Variants in SEL1L3 observed in about 807,000 individuals in gnomAD.
SEL1L3 encodes the protein SEL1L family member 3.
In SEL1L3, 76 loss-of-function variants were observed where a neutral mutation model predicts 142.8. The ratio of observed to expected loss-of-function variants is 0.53; its 90% CI spans 0.44 to 0.64. SEL1L3 has a LOEUF of 0.64. Among genes scored for constraint, SEL1L3 ranks in the 30% least tolerant of loss-of-function variants. The pLI is 0.00. For synonymous variants in SEL1L3, 504 were observed against 519.6 expected (o/e 0.97, Z 0.41); for missense variants, 1,262 against 1,381.7 (o/e 0.91, Z 1.37).
intron 10 of SEL1L3, 136 bp from the exon 11 acceptor site, chr4:25,802,598 T>C (rs1713259946): frequency 1.3e-6 from 1 of 752,106 alleles, no homozygotes; most frequent in Non-Finnish European, 2.1e-6. Flanking sequence ...GCCTTTTTTT[T>C]TGAGACGGAG....
chr4:25,840,422 G>A lies in SEL1L3; in HGVS notation c.734-5099C>T, dbSNP rs1008644244. On this transcript the variant is annotated intron_variant, in intron 2 of 23. Coordinates refer to ENST00000399878, the MANE Select transcript of SEL1L3 (RefSeq NM_015187.5). ...TTTTCACAAAGACAAGTCAAGGCTG[G>A]TTCCAACACTTGACTTAACTTTCAA... Among the ~76,000 whole-genome samples the A allele has an allele frequency of 2.6e-5, 4 of 152,222 alleles. No individual in the cohort carries two copies. The South Asian group carries it at 8.3e-4, about 32-fold the overall frequency.
At chr4:25,860,250 A>G (rs1279266713) in intron 1 of SEL1L3, among the ~76,000 whole-genome samples, 1 of 152,210 alleles carries the variant, frequency 6.6e-6, no homozygotes, top group Non-Finnish European at 1.5e-5. Context: ...AGGCTTTCAA[A>G]TTATGAAAGA....
At position 25,833,537 on chromosome 4, in the gene SEL1L3, T is replaced by C. The variant is rs1452558614; in HGVS notation, c.893A>G (p.His298Arg). Residue 298 changes from histidine to arginine, a missense_variant, in exon 4 of 24, where the codon CAT becomes CGT. Physicochemically the swap from His to Arg is conservative, Grantham distance 29. This residue lies in a region of SEL1L3 where 689 missense variants were observed against 692.8 expected (regional missense o/e 0.99). Transcript: ENST00000399878. ...CCCACAGAGGTTGGCCTTGCAATAA[T>C]GGAGTAAATAAAGCCACAATGAAAC... ...FTVSLWLYLL[H>R]YCKANLCGIL... 3.7e-6 allele frequency: 6 copies of C among 1,612,760 alleles called. No homozygotes were observed. Among genetic ancestry groups the C allele is most frequent in the Non-Finnish European group, 3.4e-6 (4 of 1,179,342 alleles).
Position 25,847,544 on chromosome 4 carries a change from G to A in SEL1L3, c.483C>T (p.Phe161=). Residue 161 remains phenylalanine, a synonymous_variant, in exon 2 of 24, where the codon TTC becomes TTT. Coordinates refer to ENST00000399878, the MANE Select transcript of SEL1L3 (RefSeq NM_015187.5). ...PSIMVYRDDY[F]IRHSISVSAV... The stretch of plus-strand genomic sequence containing the variant: ...CAGATACAGAGATGGAATGTCTGAT[G>A]AAATAATCATCTCTGTAAACCATAA... 3 of 1,613,788 alleles carry A rather than the reference G, an allele frequency of 1.9e-6. No individual in the cohort carries two copies. Among genetic ancestry groups the A allele is most frequent in the Non-Finnish European group, 1.7e-6 (2 of 1,179,678 alleles).
chr4:25,862,337 G>C (rs1207086216), intron 1 of SEL1L3, among the ~76,000 whole-genome samples: 3 of 151,796 alleles, frequency 2.0e-5, no homozygotes, highest in African/African-American at 7.3e-5. Flanking sequence ...GACTGCGCGC[G>C]GCGGGGCGGG....
intron 5 of SEL1L3, among the ~76,000 whole-genome samples, chr4:25,831,866 A>T (rs529580562): frequency 6.6e-6 from 1 of 152,210 alleles, no homozygotes; most frequent in African/African-American, 2.4e-5. Context: ...TACCTGCTTA[A>T]TGTTACTTCC....
chr4:25,792,394 T>C (rs1423338082), intron 11 of SEL1L3, among the ~76,000 whole-genome samples: 1 of 152,170 alleles, frequency 6.6e-6, no homozygotes, highest in Non-Finnish European at 1.5e-5. Flanking sequence ...TGTCGCCCTC[T>C]AGTGAGAAGG....
Position 25,748,362 on chromosome 4 carries a change from A to G in SEL1L3, c.*63T>C. 1 of 1,508,566 alleles carries G rather than the reference A, an allele frequency of 6.6e-7. No individual in the cohort carries two copies. The highest frequency in any genetic ancestry group is 9.0e-7 in the Non-Finnish European group (1 of 1,113,442). 93.4% of individuals were successfully genotyped at this position (1,508,566 alleles called of 1,614,324 possible). On this transcript the variant is annotated 3_prime_UTR_variant, in exon 24 of 24. Transcript: ENST00000399878. ...TTTATCAGGATCATGCCCTGGCCCC[A>G]GCTTCCCAATACCAGCTGTTGAAAA...
In SEL1L3 at chr4:25,767,996, A is replaced by C. The variant is rs757187879; in HGVS notation, c.2670-166T>G. Among the ~76,000 whole-genome samples the C allele has an allele frequency of 6.6e-5, 10 of 152,092 alleles. 1 individual carries two copies. Among genetic ancestry groups the C allele is most frequent in the Non-Finnish European group, 1.3e-4 (9 of 68,030 alleles). On this transcript the variant is annotated intron_variant, in intron 17 of 23. Transcript: ENST00000399878. The stretch of plus-strand genomic sequence containing the variant: ...AAATATTGTTAAAAATACTGCATGC[A>C]CTGATTTATTTTCTGTCTTAAAGGC...
chr4:25,818,392 G>T (rs1714538020), intron 8 of SEL1L3, 114 bp from the exon 9 acceptor site: 1 of 973,232 alleles, frequency 1.0e-6, no homozygotes, highest in South Asian at 2.3e-5. Context: ...ACTGGATGTT[G>T]GTTTTGGTCC....
intron 1 of SEL1L3, among the ~76,000 whole-genome samples, chr4:25,858,695 C>T (rs1717441118): frequency 6.6e-6 from 1 of 152,100 alleles, no homozygotes; most frequent in Admixed American, 6.5e-5. Context: ...AAGCAATTCT[C>T]CTGTCTCAGC....
At chr4:25,772,495 G>T (rs184734167) in intron 17 of SEL1L3, among the ~76,000 whole-genome samples, 1 of 151,982 alleles carries the variant, frequency 6.6e-6, no homozygotes, top group Non-Finnish European at 1.5e-5. Context: ...ATTCTAGGGC[G>T]ACTCTTTCTA....
intron 6 of SEL1L3, among the ~76,000 whole-genome samples, chr4:25,823,305 C>A (rs1410793587): frequency 6.6e-6 from 1 of 152,176 alleles, no homozygotes; most frequent in Non-Finnish European, 1.5e-5. Context: ...CACCTGAGGT[C>A]AGGAGTTCAA....
intron 2 of SEL1L3, among the ~76,000 whole-genome samples, chr4:25,838,797 G>A (rs995279533): frequency 6.6e-6 from 1 of 152,194 alleles, no homozygotes; most frequent in Non-Finnish European, 1.5e-5. Context: ...TCTCATCCCT[G>A]GGTCAGGTGG....
At chr4:25,724,706 C>T in the SEL1L3 span, among the ~76,000 whole-genome samples, 6 of 117,158 alleles carry the variant, frequency 5.1e-5, no homozygotes, top group Non-Finnish European at 9.7e-5. Context: ...CACTGCACTC[C>T]AGCCTTGGCG....
At chr4:25,857,271 A>G (rs1203725303) in intron 1 of SEL1L3, among the ~76,000 whole-genome samples, 1 of 152,218 alleles carries the variant, frequency 6.6e-6, no homozygotes, top group Non-Finnish European at 1.5e-5. Flanking sequence ...TTCCCAGTTG[A>G]GTATTATTCC....
At chr4:25,809,365 G>C (rs983698297) in intron 9 of SEL1L3, among the ~76,000 whole-genome samples, 3 of 149,924 alleles carry the variant, frequency 2.0e-5, no homozygotes, top group African/African-American at 7.4e-5. Context: ...GTCTGGTCTC[G>C]AACTCCTGGC....
intron 2 of SEL1L3, among the ~76,000 whole-genome samples, chr4:25,842,835 T>C (rs1018386730): frequency 1.3e-5 from 2 of 152,238 alleles, no homozygotes; most frequent in Non-Finnish European, 2.9e-5. Context: ...AATAGGCACA[T>C]AGGCAACTAA....
At position 25,802,367 on chromosome 4, in the gene SEL1L3, G is replaced by T; in HGVS notation, c.1872C>A (p.Pro624=). ...AGGCATACGACAGTTCCCAGTCCAGGGGGTAGTTGTCAATACCCTGGTAGT... is the reference window on the plus strand; with the variant it reads ...AGGCATACGACAGTTCCCAGTCCAGTGGGTAGTTGTCAATACCCTGGTAGT... ...YKHYQGIDNY[P]LDWELSYAYY... is the part of the protein sequence containing the mutation. The change falls in exon 11 of 24, where the codon CCC becomes CCA. Residue 624 remains proline, a synonymous_variant. Transcript: ENST00000399878. 1.2e-6 allele frequency: 2 copies of T among 1,613,764 alleles called. No individual in the cohort carries two copies. Among genetic ancestry groups the T allele is most frequent in the Non-Finnish European group, 1.7e-6 (2 of 1,179,800 alleles).
Sources: gnomAD v4.1 joint callset for allele counts (sites outside exome capture counted in the v4.1 genomes callset) on GRCh38, gnomAD v4.1.1 for gene constraint, gnomAD v4.1.1 regional missense constraint, MANE v1.5 for transcripts, NCBI Gene and HGNC (gene_info 2026-07-23, HGNC 2026-07-21) for gene names.